PAM: variants seen among roughly 807,000 people sequenced by gnomAD.
The protein encoded by PAM is peptidylglycine alpha-amidating monooxygenase, also known as peptidyl-glycine alpha-amidating monooxygenase.
Under a neutral mutation model 122.1 loss-of-function variants are expected in PAM, and 72 were observed. The observed-to-expected ratio is 0.59, with a 90% CI of 0.49 to 0.72. The LOEUF is 0.72. Among genes scored for constraint, PAM ranks in the 30% least tolerant of loss-of-function variants. The pLI is 0.00. For missense variants in PAM, 1,106 were observed against 1,183.7 expected (o/e 0.93, Z 0.96); for synonymous variants, 389 against 404.4 (o/e 0.96, Z 0.46).
In PAM at chr5:102,820,331, TA is replaced by T. The variant is rs902388182; in HGVS notation, c.-373-45491del. Among the ~76,000 whole-genome samples, 70 of 152,336 alleles carry T rather than the reference TA, an allele frequency of 4.6e-4. 1 individual carries two copies. Among genetic ancestry groups the T allele is most frequent in the African/African-American group, 1.6e-3 (67 of 41,584 alleles). ...ACTCACAAATGGAACTACTTCAATA[TA>T]TTCTCTCTTAAGCCTAACATTAAAA... On this transcript the variant is annotated intron_variant, in intron 1 of 25. Coordinates refer to ENST00000438793, the MANE Select transcript of PAM (RefSeq NM_001177306.2).
At position 103,009,855 on chromosome 5, in the gene PAM, C is replaced by T; in HGVS notation, c.2320C>T (p.Pro774Ser). The change falls in exon 21 of 26, where the codon CCA becomes TCA. Residue 774 changes from proline to serine, a missense_variant. Coordinates refer to ENST00000438793, the MANE Select transcript of PAM (RefSeq NM_001177306.2). ...SNGEIIDIFK[P>S]VRKHFDMPHD... is the part of the protein sequence containing the mutation. ...TGGGGAAATTATAGACATCTTCAAG[C>T]CAGTGCGCAAGGTATTTACACACAT... 1 of 1,578,068 alleles carries T rather than the reference C, an allele frequency of 6.3e-7. No individual in the cohort carries two copies. The highest frequency in any genetic ancestry group is 1.3e-5 in the African/African-American group (1 of 74,240).
At chr5:102,844,751 A>G (rs1250977228) in intron 1 of PAM, among the ~76,000 whole-genome samples, 2 of 152,194 alleles carry the variant, frequency 1.3e-5, no homozygotes, top group Non-Finnish European at 2.9e-5. Flanking sequence ...AAAACTCAAC[A>G]GTGTGGTTAA....
intron 1 of PAM, among the ~76,000 whole-genome samples, chr5:102,829,384 T>G (rs442197): frequency 0.69 from 102,515 of 147,540 alleles, 35,991 homozygotes; most frequent in South Asian, 0.82. Flanking sequence ...TTTTTTTTTT[T>G]TTTTTGAGAT....
In PAM at chr5:102,990,279, C is replaced by T. The variant is rs773369576; in HGVS notation, c.1491C>T (p.His497=). The T allele has an allele frequency of 4.5e-6, 7 of 1,542,616 alleles. No homozygotes were observed. The highest frequency in any genetic ancestry group is 5.3e-6 in the Non-Finnish European group (6 of 1,136,214). ...TGTGGATATATCTTTTAGATTTCCA[C>T]ATGGAAGAGGCACTGGATTGGCCTG... The part of the protein sequence containing the change: ...TWEPEHTGDF[H]MEEALDWPGV... Residue 497 remains histidine (H), a synonymous_variant, in exon 16 of 26, where the codon CAC becomes CAT. Transcript: ENST00000438793.
intron 5 of PAM, among the ~76,000 whole-genome samples, 182 bp downstream of exon 5, chr5:102,914,203 G>A (rs1318570478): frequency 6.6e-6 from 1 of 151,998 alleles, no homozygotes; most frequent in Non-Finnish European, 1.5e-5. Flanking sequence ...GTCTGCTATA[G>A]AGCATATCTA....
chr5:102,999,189 A>G (rs915137292), intron 16 of PAM, among the ~76,000 whole-genome samples: 12 of 152,334 alleles, frequency 7.9e-5, no homozygotes, highest in Admixed American at 2.0e-4. Context: ...GGGAGAATTC[A>G]GCCAAAATGA....
In PAM at chr5:103,009,610, G is replaced by A. The variant is rs1780028431; in HGVS notation, c.2216-141G>A. 2.9e-5 allele frequency: 16 copies of A among 561,172 alleles called. No homozygotes were observed. The South Asian group carries it at 3.0e-4, about 11-fold the overall frequency. 34.8% of individuals were successfully genotyped at this position (561,172 alleles called of 1,614,324 possible). A position where few individuals can be genotyped will look rare whatever the true frequency, so the allele number is the denominator to read the frequency against. ...CTGGTTACTCAGGAGGAGACACTAAGTATTTTATATTCTACTTTTGTTGCC... is the reference window on the plus strand; with the variant it reads ...CTGGTTACTCAGGAGGAGACACTAAATATTTTATATTCTACTTTTGTTGCC... On this transcript the variant is annotated intron_variant, in intron 20 of 25. Transcript: ENST00000438793.
intron 24 of PAM, among the ~76,000 whole-genome samples, chr5:103,026,531 C>T (rs974392910): frequency 6.6e-6 from 1 of 152,120 alleles, no homozygotes; most frequent in African/African-American, 2.4e-5. Context: ...TCTATTAAGT[C>T]CATGTTACAG....
intron 16 of PAM, among the ~76,000 whole-genome samples, chr5:102,998,878 T>G (rs1296300529): frequency 6.6e-6 from 1 of 152,202 alleles, no homozygotes; most frequent in African/African-American, 2.4e-5. Context: ...ACTTAAACCT[T>G]GCATTAGTTC....
chr5:102,982,515 C>A (rs1027604878), intron 15 of PAM, among the ~76,000 whole-genome samples: 4 of 152,150 alleles, frequency 2.6e-5, no homozygotes, highest in African/African-American at 9.7e-5. Flanking sequence ...ACCAGTGGGG[C>A]CCAAGGATCA....
chr5:102,754,891 C>A (rs1749667152), upstream of PAM: 1 of 152,342 alleles, frequency 6.6e-6, no homozygotes, highest in African/African-American at 2.4e-5. Context: ...CCTTCACTCC[C>A]TTCCCCGGGG....
intron 3 of PAM, among the ~76,000 whole-genome samples, chr5:102,890,585 A>T (rs1433696801): frequency 6.6e-6 from 1 of 151,922 alleles, no homozygotes; most frequent in African/African-American, 2.4e-5. Context: ...ACTCATGGTC[A>T]TTGGACTACA....
intron 1 of PAM, among the ~76,000 whole-genome samples, chr5:102,787,005 A>T (rs1760723370): frequency 6.6e-6 from 1 of 151,834 alleles, no homozygotes; most frequent in Non-Finnish European, 1.5e-5. Context: ...AAAAAATCTT[A>T]CTCTCCCATC....
intron 1 of PAM, among the ~76,000 whole-genome samples, chr5:102,853,630 A>G (rs1781871572): frequency 6.6e-6 from 1 of 152,220 alleles, no homozygotes; most frequent in Non-Finnish European, 1.5e-5. Flanking sequence ...TTCTCACAGT[A>G]GCCATTTGGT....
intron 3 of PAM, among the ~76,000 whole-genome samples, chr5:102,879,181 C>T (rs888109745): frequency 4.6e-5 from 7 of 152,286 alleles, no homozygotes; most frequent in Non-Finnish European, 8.8e-5. Context: ...CTGCCCGCTT[C>T]GGCCTCCCAG....
intron 1 of PAM, among the ~76,000 whole-genome samples, chr5:102,789,581 GAGT>G (rs1761505069): frequency 2.0e-5 from 3 of 152,122 alleles, no homozygotes; most frequent in African/African-American, 4.8e-5. Flanking sequence ...GAAGTACCTA[GAGT>G]AGTCAGATTC....
intron 1 of PAM, among the ~76,000 whole-genome samples, chr5:102,767,072 T>A (rs964871264): frequency 1.3e-5 from 2 of 151,378 alleles, no homozygotes; most frequent in African/African-American, 4.8e-5. Context: ...TGTGGTTTCA[T>A]GAAACAGATT....
rs1227894860 is a variant in PAM at position 102,990,309 on chromosome 5, A to G, written c.1521A>G (p.Val507=). ...HMEEALDWPG[V]YLLPGQVSGV... ...AAGAGGCACTGGATTGGCCTGGAGT[A>G]TACTTGTTACCAGGCCAGGTTTCTG... The change falls in exon 16 of 26, where the codon GTA becomes GTG. Residue 507 remains valine (V), a synonymous_variant. Transcript: ENST00000438793. The G allele has an allele frequency of 1.0e-5, 16 of 1,606,464 alleles. No individual in the cohort carries two copies. In the East Asian group the frequency reaches 1.1e-4, roughly 11 times the overall value.
intron 1 of PAM, among the ~76,000 whole-genome samples, chr5:102,837,460 C>A (rs1327280766): frequency 6.6e-6 from 1 of 152,176 alleles, no homozygotes; most frequent in African/African-American, 2.4e-5. Flanking sequence ...TATTTTTTAA[C>A]CAAATCAATA....
Sources: gnomAD v4.1 joint callset for allele counts (sites outside exome capture counted in the v4.1 genomes callset) on GRCh38, gnomAD v4.1.1 for gene constraint, MANE v1.5 for transcripts, NCBI Gene and HGNC (gene_info 2026-07-23, HGNC 2026-07-21) for gene names.